Variants in SLC41A2 observed in about 807,000 individuals in gnomAD.
SLC41A2 encodes the protein SLC41A1-like 1.
In SLC41A2, 32 loss-of-function variants were observed where a neutral mutation model predicts 58.3. The observed-to-expected ratio is 0.55, with a 90% confidence interval of 0.41 to 0.74. The LOEUF (loss-of-function observed/expected upper bound fraction) is 0.74. Among genes scored for constraint, SLC41A2 ranks in the 30% least tolerant of loss-of-function variants. The pLI is 0.00. For synonymous variants in SLC41A2, 190 were observed against 235.0 expected (o/e 0.81, Z 1.75); for missense variants, 514 against 680.6 (o/e 0.76, Z 2.72).
chr12:104,835,841 A>G (rs560616858), intron 10 of SLC41A2, among the ~76,000 whole-genome samples: 1 of 123,428 alleles, frequency 8.1e-6, no homozygotes, highest in East Asian at 2.1e-4. Context: ...TAAGAGCAAA[A>G]CAAAGCATCA....
intron 6 of SLC41A2, among the ~76,000 whole-genome samples, chr12:104,869,520 C>T (rs12296528): frequency 0.18 from 26,616 of 151,958 alleles, 4,041 homozygotes; most frequent in African/African-American, 0.4. Context: ...ATTCTATAAA[C>T]ATATAATTAT....
intron 4 of SLC41A2, among the ~76,000 whole-genome samples, chr12:104,893,846 C>T (rs544820853): frequency 6.6e-6 from 1 of 152,054 alleles, no homozygotes; most frequent in South Asian, 2.1e-4. Context: ...AGGATGGTTG[C>T]TAGAGGCTGG....
chr12:104,921,241 T>C (rs1487534464), intron 2 of SLC41A2, among the ~76,000 whole-genome samples: 1 of 151,806 alleles, frequency 6.6e-6, no homozygotes, highest in Non-Finnish European at 1.5e-5. Context: ...CTGAAAACTT[T>C]CCAAAACTTG....
intron 1 of SLC41A2, among the ~76,000 whole-genome samples, chr12:104,942,707 G>A (rs1374719119): frequency 6.6e-6 from 1 of 152,116 alleles, no homozygotes; most frequent in Non-Finnish European, 1.5e-5. Flanking sequence ...AGCTACGTCT[G>A]AAACTCAAAT....
intron 5 of SLC41A2, among the ~76,000 whole-genome samples, chr12:104,886,822 T>A (rs1333418459): frequency 6.6e-6 from 1 of 151,998 alleles, no homozygotes; most frequent in Non-Finnish European, 1.5e-5. Context: ...AGGTGAGTCA[T>A]ATGTATATGT....
At chr12:104,955,016 C>CCT (rs1555220361) in intron 1 of SLC41A2, among the ~76,000 whole-genome samples, 1 of 79,174 alleles carries the variant, frequency 1.3e-5, no homozygotes, top group Non-Finnish European at 2.3e-5. Context: ...TTGGCCCTTG[C>CCT]TTTTTTTTTT....
intron 1 of SLC41A2, among the ~76,000 whole-genome samples, chr12:104,946,655 T>C (rs1320282726): frequency 6.6e-6 from 1 of 152,240 alleles, no homozygotes; most frequent in African/African-American, 2.4e-5. Flanking sequence ...AAGTACTTTA[T>C]GCTATGTTTG....
chr12:104,813,633 G>GT (rs1308933640), intron 10 of SLC41A2, among the ~76,000 whole-genome samples: 1 of 151,960 alleles, frequency 6.6e-6, no homozygotes, highest in Non-Finnish European at 1.5e-5. Flanking sequence ...ATACAAATGG[G>GT]TTTTTTGTTT....
intron 3 of SLC41A2, among the ~76,000 whole-genome samples, chr12:104,897,588 TCTAAGATAAA>T (rs2045354785): frequency 6.6e-6 from 1 of 152,126 alleles, no homozygotes; most frequent in African/African-American, 2.4e-5. Flanking sequence ...CTCTTCTTAG[TCTAAGATAAA>T]ACAATAAATA....
At position 104,805,161 on chromosome 12, in the gene SLC41A2, A is replaced by T; in HGVS notation, c.1713T>A (p.Val571=). ...LWLIGDRDGD[V]GD is the part of the protein sequence containing the mutation. The stretch of plus-strand genomic sequence containing the variant: ...CAGTTTGTAGAATTTATTAGTCTCC[A>T]ACATCTCCATCTCGATCTCCAATAA... The change falls in exon 11 of 11, where the codon GTT becomes GTA. Residue 571 remains valine, a synonymous_variant. Transcript: ENST00000258538. 1 of 1,609,948 alleles carries T rather than the reference A, an allele frequency of 6.2e-7. No individual in the cohort carries two copies. The highest frequency in any genetic ancestry group is 8.5e-7 in the Non-Finnish European group (1 of 1,178,280).
At chr12:104,880,304 TA>T (rs2044295371) in intron 6 of SLC41A2, among the ~76,000 whole-genome samples, 1 of 152,188 alleles carries the variant, frequency 6.6e-6, no homozygotes, top group Non-Finnish European at 1.5e-5. Context: ...GAATACCCTT[TA>T]TTTCTTTCTC....
At chr12:104,900,147 A>T (rs1257567164) in intron 3 of SLC41A2, among the ~76,000 whole-genome samples, 1 of 152,138 alleles carries the variant, frequency 6.6e-6, no homozygotes, top group Admixed American at 6.5e-5. Flanking sequence ...TCAGGCGAAA[A>T]CATCACAAAC....
chr12:104,947,693 G>A (rs923717034), intron 1 of SLC41A2, among the ~76,000 whole-genome samples: 3 of 150,764 alleles, frequency 2.0e-5, no homozygotes, highest in Non-Finnish European at 3.0e-5. Context: ...CATACTAAAC[G>A]GTACATATAT....
chr12:104,903,783 C>G (rs1458990688), intron 3 of SLC41A2, among the ~76,000 whole-genome samples: 3 of 152,120 alleles, frequency 2.0e-5, no homozygotes, highest in African/African-American at 7.2e-5. Flanking sequence ...AGCTCTCAAC[C>G]AATGGAAGCT....
At chr12:104,929,246 G>C (rs1422380890) in intron 1 of SLC41A2, among the ~76,000 whole-genome samples, 1 of 151,804 alleles carries the variant, frequency 6.6e-6, no homozygotes, top group African/African-American at 2.4e-5. Flanking sequence ...TACTATATAG[G>C]GCATTTATTT....
chr12:104,951,195 G>A (rs145979446), intron 1 of SLC41A2, among the ~76,000 whole-genome samples: 60 of 152,230 alleles, frequency 3.9e-4, no homozygotes, highest in African/African-American at 1.3e-3. Context: ...CAATGAAAAT[G>A]AATATCTCTG....
intron 1 of SLC41A2, among the ~76,000 whole-genome samples, chr12:104,946,945 T>C (rs1206447751): frequency 3.3e-5 from 5 of 152,238 alleles, no homozygotes; most frequent in Admixed American, 2.6e-4. Flanking sequence ...AGTTTTCTCA[T>C]GTAAATACAT....
In SLC41A2 at chr12:104,820,651, TC is replaced by T. The variant is rs200198150; in HGVS notation, c.1537-15315del. Among the ~76,000 whole-genome samples, 482 of 151,252 alleles carry T rather than the reference TC, an allele frequency of 3.2e-3. 1 individual carries two copies. Among genetic ancestry groups the T allele is most frequent in the African/African-American group, 7.9e-3 (326 of 41,298 alleles). On this transcript the variant is annotated intron_variant, in intron 10 of 10. Transcript: ENST00000258538. ...AGTTATTTAATGTAGGGAATTTTTT[TC>T]TTTTTCCAGACAGAGTTTCGCTCTT...
At chr12:104,847,853 G>A (rs935338955) in intron 8 of SLC41A2, among the ~76,000 whole-genome samples, 1 of 152,076 alleles carries the variant, frequency 6.6e-6, no homozygotes, top group African/African-American at 2.4e-5. Context: ...ACATTGATGA[G>A]AAAAAAGTTG....
Sources: gnomAD v4.1 joint callset for allele counts (sites outside exome capture counted in the v4.1 genomes callset) on GRCh38, gnomAD v4.1.1 for gene constraint, MANE v1.5 for transcripts, NCBI Gene and HGNC (gene_info 2026-07-23, HGNC 2026-07-21) for gene names.